The following MED13L variants were observed in gnomAD, a reference collection of about 807,000 sequenced individuals.
The protein encoded by MED13L is mediator complex subunit 13L.
A neutral mutation model predicts 220.9 loss-of-function variants in MED13L; 7 were observed. The observed-to-expected ratio is 0.03, with a 90% confidence interval of 0.02 to 0.06. The LOEUF (loss-of-function observed/expected upper bound fraction) is 0.06. MED13L is among the 10% of genes least tolerant of loss of function. MED13L has a pLI of 1.00. For missense variants in MED13L, 1,965 were observed against 2,760.5 expected (o/e 0.71, Z 6.46); for synonymous variants, 1,011 against 1,015.2 (o/e 1.00, Z 0.08).
rs767804262 is a variant in MED13L at position 115,975,553 on chromosome 12, T to A, written c.5550A>T (p.Leu1850Phe). 3 of 1,614,170 alleles carry A rather than the reference T, an allele frequency of 1.9e-6. No homozygotes were observed. The highest frequency in any genetic ancestry group is 2.5e-6 in the Non-Finnish European group (3 of 1,180,016). The change falls in exon 24 of 31, where the codon TTA becomes TTT. Residue 1850 changes from leucine (L) to phenylalanine (F), a missense_variant. Coordinates refer to ENST00000281928, the MANE Select transcript of MED13L (RefSeq NM_015335.5). ...LASCTDLHGE[L>F]LETCVVNIAL... ...CAATATTTACAACGCAGGTCTCTAATAATTCCCCATGGAGGTCAGTGCAGG... is the reference window on the plus strand; with the variant it reads ...CAATATTTACAACGCAGGTCTCTAAAAATTCCCCATGGAGGTCAGTGCAGG...
chr12:115,977,469 AAG>A (rs946474572), intron 23 of MED13L, among the ~76,000 whole-genome samples: 1 of 152,250 alleles, frequency 6.6e-6, no homozygotes, highest in African/African-American at 2.4e-5. Context: ...TATCAAGAGA[AAG>A]AAATATTATG....
chr12:116,250,025 TAAAA>T (rs71095516), intron 1 of MED13L, among the ~76,000 whole-genome samples: 2 of 40,466 alleles, frequency 4.9e-5, no homozygotes, highest in South Asian at 1.0e-3. Context: ...CAGCATAAAC[TAAAA>T]AAAAAAAAAA....
intron 2 of MED13L, among the ~76,000 whole-genome samples, chr12:116,112,530 T>G (rs1004926987): frequency 3.3e-5 from 5 of 152,320 alleles, no homozygotes; most frequent in African/African-American, 1.2e-4. Flanking sequence ...CTATTAGACT[T>G]TCTGAAAATT....
At chr12:116,007,244 G>A in intron 11 of MED13L, 167 bp downstream of exon 11, 1 of 685,258 alleles carries the variant, frequency 1.5e-6, no homozygotes, top group South Asian at 1.7e-5. Context: ...GACATAAAAA[G>A]GAACAATACG....
chr12:115,986,057 C>T (rs1287187231), intron 19 of MED13L, among the ~76,000 whole-genome samples: 4 of 152,102 alleles, frequency 2.6e-5, no homozygotes, highest in African/African-American at 9.7e-5. Flanking sequence ...GGGAGGGGAA[C>T]GTTTTCTAAA....
chr12:115,985,535 A>T (rs1877625197), intron 19 of MED13L, among the ~76,000 whole-genome samples: 1 of 152,202 alleles, frequency 6.6e-6, no homozygotes, highest in African/African-American at 2.4e-5. Context: ...TATTTTACAG[A>T]TATTAATTTC....
intron 4 of MED13L, among the ~76,000 whole-genome samples, chr12:116,088,049 T>G (rs1871866741): frequency 6.6e-6 from 1 of 152,048 alleles, no homozygotes; most frequent in African/African-American, 2.4e-5. Flanking sequence ...AAAACCTGAG[T>G]TACCAAATGC....
chr12:116,106,190 A>C (rs1873559269), intron 3 of MED13L, among the ~76,000 whole-genome samples: 1 of 152,222 alleles, frequency 6.6e-6, no homozygotes, highest in Admixed American at 6.5e-5. Context: ...AACCTGACTG[A>C]ATACTTCATA....
intron 11 of MED13L, 119 bp downstream of exon 11, chr12:116,007,292 G>T: frequency 1.1e-6 from 1 of 884,464 alleles, no homozygotes; most frequent in Non-Finnish European, 1.9e-6. Context: ...TGAATATGGG[G>T]ACAGAGCAAT....
chr12:116,243,975 C>T (rs1382214611), intron 1 of MED13L, among the ~76,000 whole-genome samples: 2 of 152,124 alleles, frequency 1.3e-5, no homozygotes, highest in Non-Finnish European at 2.9e-5. Flanking sequence ...CCCTTATTAC[C>T]CATCAAGAAC....
chr12:116,276,916 G>A (rs79842122), intron 1 of MED13L, 144 bp downstream of exon 1: 1 of 994,252 alleles, frequency 1.0e-6, no homozygotes, highest in South Asian at 1.4e-5. Flanking sequence ...CCAAAAGGGG[G>A]AGAATCGGCG....
chr12:116,235,041 A>G (rs1341137041), intron 2 of MED13L, among the ~76,000 whole-genome samples: 1 of 152,198 alleles, frequency 6.6e-6, no homozygotes, highest in Non-Finnish European at 1.5e-5. Flanking sequence ...TCCACTTTGT[A>G]TGGCTACCAA....
chr12:116,162,877 T>C (rs1878992664), intron 2 of MED13L, among the ~76,000 whole-genome samples: 1 of 152,198 alleles, frequency 6.6e-6, no homozygotes, highest in Admixed American at 6.5e-5. Flanking sequence ...TGAAGTCTTA[T>C]TAAATCAAGA....
intron 2 of MED13L, among the ~76,000 whole-genome samples, chr12:116,134,548 T>C (rs988603367): frequency 1.5e-4 from 23 of 152,226 alleles, no homozygotes; most frequent in African/African-American, 4.8e-4. Flanking sequence ...GGCACTATTA[T>C]AGGGGCTGAA....
At chr12:116,146,171 G>A (rs561711076) in intron 2 of MED13L, among the ~76,000 whole-genome samples, 23 of 152,210 alleles carry the variant, frequency 1.5e-4, no homozygotes, top group African/African-American at 4.6e-4. Context: ...TCACCAGGCT[G>A]GAATGCAGTG....
At chr12:116,241,777 T>A (rs1870676732) in intron 1 of MED13L, among the ~76,000 whole-genome samples, 1 of 152,160 alleles carries the variant, frequency 6.6e-6, no homozygotes, top group Admixed American at 6.5e-5. Context: ...AAACTAAATA[T>A]CATTATATTG....
chr12:116,100,160 G>A (rs978450577), intron 3 of MED13L, among the ~76,000 whole-genome samples: 1 of 152,134 alleles, frequency 6.6e-6, no homozygotes, highest in Non-Finnish European at 1.5e-5. Context: ...TTTCCACATG[G>A]TTATAGGAGG....
chr12:116,185,636 A>ATT (rs996301707), intron 2 of MED13L, among the ~76,000 whole-genome samples: 3 of 147,742 alleles, frequency 2.0e-5, no homozygotes, highest in Non-Finnish European at 4.5e-5. Flanking sequence ...AAAAATATCA[A>ATT]TTTTTTTCAT....
chr12:116,097,753 T>C (rs534875606), intron 3 of MED13L, among the ~76,000 whole-genome samples: 275 of 152,328 alleles, frequency 1.8e-3, no homozygotes, highest in Non-Finnish European at 3.0e-3. Context: ...TATTCTAACA[T>C]GTTTTTTTGA....
Sources: allele counts gnomAD v4.1 joint callset (sites outside exome capture counted in the v4.1 genomes callset), GRCh38; gene constraint gnomAD v4.1.1; transcripts MANE v1.5; gene names NCBI Gene and HGNC (gene_info 2026-07-23, HGNC 2026-07-21).